The following GPR158 variants were observed in gnomAD, a reference collection of about 807,000 sequenced individuals.
GPR158 encodes the protein metabotropic glycine receptor.
A neutral mutation model predicts 78.2 loss-of-function variants in GPR158; 30 were observed. The ratio of observed to expected loss-of-function variants is 0.38; its 90% confidence interval spans 0.29 to 0.52. The LOEUF is 0.52. GPR158 is among the 20% of genes least tolerant of loss of function. The pLI, the probability that GPR158 is intolerant of heterozygous loss-of-function variation, is 0.83. For missense variants in GPR158, 1,463 were observed against 1,523.5 expected (o/e 0.96, Z 0.66); for synonymous variants, 581 against 591.1 (o/e 0.98, Z 0.25).
At chr10:25,549,011 C>T (rs138278578) in intron 5 of GPR158, among the ~76,000 whole-genome samples, 83 of 152,240 alleles carry the variant, frequency 5.5e-4, no homozygotes, top group Admixed American at 9.2e-4. Flanking sequence ...CAGTTGTTCA[C>T]CTTTGCTCAT....
At chr10:25,306,345 T>C (rs374870358) in intron 2 of GPR158, among the ~76,000 whole-genome samples, 2 of 152,316 alleles carry the variant, frequency 1.3e-5, no homozygotes, top group African/African-American at 4.8e-5. Context: ...GTTTCAACTA[T>C]AGTCAAACTA....
At chr10:25,556,996 C>G (rs1836794825) in intron 6 of GPR158, among the ~76,000 whole-genome samples, 2 of 152,152 alleles carry the variant, frequency 1.3e-5, no homozygotes, top group African/African-American at 4.8e-5. Flanking sequence ...TAAGGTTTCC[C>G]TAAGGACATT....
At chr10:25,194,314 G>C (rs145851308) in intron 1 of GPR158, among the ~76,000 whole-genome samples, 4 of 152,222 alleles carry the variant, frequency 2.6e-5, no homozygotes, top group Admixed American at 2.6e-4. Context: ...CGAGGCAGGT[G>C]GATAACCTGA....
intron 2 of GPR158, among the ~76,000 whole-genome samples, chr10:25,239,255 T>C (rs192552546): frequency 5.6e-4 from 85 of 152,146 alleles, no homozygotes; most frequent in African/African-American, 2.0e-3. Flanking sequence ...GTGAGAGATA[T>C]GGGTGAGAGG....
At position 25,385,101 on chromosome 10, in the gene GPR158, C is replaced by T. The variant is rs906166292; in HGVS notation, c.1009-10810C>T. ...CATGTTGCAAAATGGAAACTCTACACCCATTGAACAACTCCTCATATTCCC... is the reference window on the plus strand; with the variant it reads ...CATGTTGCAAAATGGAAACTCTACATCCATTGAACAACTCCTCATATTCCC... On this transcript the variant is annotated intron_variant, in intron 2 of 10. Transcript: ENST00000376351. 2.6e-5 allele frequency among the ~76,000 whole-genome samples: 4 copies of T among 152,186 alleles called. No individual in the cohort carries two copies. The South Asian group carries it at 6.2e-4, about 24-fold the overall frequency.
chr10:25,244,691 G>A (rs999017043), intron 2 of GPR158: 3 of 152,146 alleles, frequency 2.0e-5, no homozygotes, highest in African/African-American at 4.8e-5. Context: ...CTGAAATAGT[G>A]AGAGCTAGAG....
chr10:25,253,690 T>TTA (rs138434614), intron 2 of GPR158, among the ~76,000 whole-genome samples: 118 of 151,252 alleles, frequency 7.8e-4, no homozygotes, highest in South Asian at 5.0e-3. Context: ...AAACCGTTAT[T>TTA]TATATATATA....
chr10:25,214,279 C>A (rs994519925), intron 1 of GPR158, among the ~76,000 whole-genome samples: 3 of 152,030 alleles, frequency 2.0e-5, no homozygotes, highest in African/African-American at 4.8e-5. Flanking sequence ...CAGGCGTGAG[C>A]CACCACGCCT....
At chr10:25,364,391 CT>C (rs1475695144) in intron 2 of GPR158, among the ~76,000 whole-genome samples, 3 of 151,892 alleles carry the variant, frequency 2.0e-5, no homozygotes, top group East Asian at 1.9e-4. Flanking sequence ...ATCCTCAAAT[CT>C]TTTTTCCATT....
At chr10:25,249,115 CTGT>C (rs984861689) in intron 2 of GPR158, among the ~76,000 whole-genome samples, 29 of 151,240 alleles carry the variant, frequency 1.9e-4, no homozygotes, top group Non-Finnish European at 4.0e-4. Flanking sequence ...GGCTCTCTGT[CTGT>C]TGTTGGTGTA....
intron 6 of GPR158, among the ~76,000 whole-genome samples, chr10:25,557,779 T>C (rs778582156): frequency 3.9e-5 from 6 of 152,248 alleles, no homozygotes; most frequent in Admixed American, 2.6e-4. Flanking sequence ...TCTGTATTCA[T>C]ATAAAATCTG....
At chr10:25,544,050 G>A (rs915518153) in intron 5 of GPR158, among the ~76,000 whole-genome samples, 9 of 152,178 alleles carry the variant, frequency 5.9e-5, no homozygotes, top group African/African-American at 2.2e-4. Context: ...ATCTGCTGCT[G>A]CTGATCCTGG....
intron 2 of GPR158, among the ~76,000 whole-genome samples, chr10:25,223,402 A>G (rs772478212): frequency 7.2e-5 from 11 of 152,132 alleles, no homozygotes; most frequent in Non-Finnish European, 1.3e-4. Context: ...TTCCCTGCAC[A>G]GGTCTGTCCT....
intron 2 of GPR158, among the ~76,000 whole-genome samples, chr10:25,241,409 CTCTTTTCTTTTCTTTTCTTT>C (rs1206670364): frequency 3.8e-4 from 41 of 108,130 alleles, no homozygotes; most frequent in African/African-American, 1.3e-3. Context: ...CTCTTCTCTT[CTCTTTTCTTTTCTTTTCTTT>C]TCTTTTCTTT....
At chr10:25,272,612 A>T (rs1854131906) in intron 2 of GPR158, among the ~76,000 whole-genome samples, 1 of 152,232 alleles carries the variant, frequency 6.6e-6, no homozygotes, top group African/African-American at 2.4e-5. Flanking sequence ...GAGAATGTTT[A>T]TAAAAATGGA....
intron 2 of GPR158, among the ~76,000 whole-genome samples, chr10:25,351,040 A>C (rs960474623): frequency 1.3e-4 from 19 of 151,960 alleles, no homozygotes; most frequent in African/African-American, 2.4e-5. Context: ...CACTCTCTCT[A>C]GGTGAAATGG....
At chr10:25,181,824 C>T (rs1474776193) in intron 1 of GPR158, among the ~76,000 whole-genome samples, 1 of 152,096 alleles carries the variant, frequency 6.6e-6, no homozygotes, top group African/African-American at 2.4e-5. Context: ...CTCAAGTGAT[C>T]CTCCCAGCTC....
At chr10:25,415,991 A>C (rs1834653348) in intron 4 of GPR158, among the ~76,000 whole-genome samples, 1 of 152,178 alleles carries the variant, frequency 6.6e-6, no homozygotes, top group Non-Finnish European at 1.5e-5. Flanking sequence ...AAAGGTGAAT[A>C]TTAAAGTATG....
intron 5 of GPR158, among the ~76,000 whole-genome samples, chr10:25,485,775 A>G (rs1835727474): frequency 1.3e-5 from 2 of 152,108 alleles, no homozygotes; most frequent in South Asian, 4.1e-4. Context: ...AGTATTCCCA[A>G]CTGAGATTTA....
Sources: allele counts gnomAD v4.1 joint callset (sites outside exome capture counted in the v4.1 genomes callset), GRCh38; gene constraint gnomAD v4.1.1; transcripts MANE v1.5; gene names NCBI Gene and HGNC (gene_info 2026-07-23, HGNC 2026-07-21).